RBFOX3: variants seen among roughly 807,000 people sequenced by gnomAD.
The protein encoded by RBFOX3 is RNA binding fox-1 homolog 3.
In RBFOX3, 17 loss-of-function variants were observed where a neutral mutation model predicts 48.7. That is an observed-to-expected ratio of 0.35 (90% CI 0.24 to 0.52). RBFOX3 has a LOEUF of 0.52. Among genes scored for constraint, RBFOX3 ranks in the 20% least tolerant of loss-of-function variants. The pLI is 0.94. For missense variants in RBFOX3, 382 were observed against 497.5 expected (o/e 0.77, Z 2.21); for synonymous variants, 212 against 209.5 (o/e 1.01, Z -0.10).
chr17:79,621,848 C>G, the RBFOX3 span, among the ~76,000 whole-genome samples: 5 of 149,356 alleles, frequency 3.3e-5, no homozygotes, highest in South Asian at 2.1e-4. Context: ...GGTGGCTGCT[C>G]TCACCCGTGT....
intron 3 of RBFOX3, among the ~76,000 whole-genome samples, chr17:79,295,048 A>T (rs2074103487): frequency 6.6e-6 from 1 of 152,076 alleles, no homozygotes; most frequent in Non-Finnish European, 1.5e-5. Flanking sequence ...TGTCGCTTGA[A>T]GTCTAGCTTG....
chr17:79,263,993 C>T (rs1192955674), intron 3 of RBFOX3, among the ~76,000 whole-genome samples: 1 of 151,718 alleles, frequency 6.6e-6, no homozygotes, highest in African/African-American at 2.4e-5. Context: ...GAACCAGAGG[C>T]AGAGATTGGA....
chr17:79,264,962 AGGAG>A (rs1162813515), intron 3 of RBFOX3, among the ~76,000 whole-genome samples: 7 of 134,742 alleles, frequency 5.2e-5, no homozygotes, highest in African/African-American at 2.0e-4. Context: ...TCAGTGCGAG[AGGAG>A]GGGGGGGGGG....
rs143617074 is a variant in RBFOX3, at chr17:79,312,377, A to G, written c.-174-4553T>C. ...GGCCTGACCCACCTTTCTAGGGTGC[A>G]GCAGAGATGAGGAAGGGGCTGTGGT... is the stretch of plus-strand genomic sequence containing the variant. On this transcript the variant is annotated intron_variant, in intron 2 of 14. Coordinates refer to ENST00000693108, the MANE Select transcript of RBFOX3 (RefSeq NM_001350451.2). Among the ~76,000 whole-genome samples, 74 of 151,744 alleles carry G rather than the reference A, an allele frequency of 4.9e-4. 1 individual carries two copies. The highest frequency in any genetic ancestry group is 9.4e-4 in the Non-Finnish European group (64 of 67,990).
chr17:79,396,950 A>T (rs1056889646), intron 2 of RBFOX3, among the ~76,000 whole-genome samples: 1 of 152,220 alleles, frequency 6.6e-6, no homozygotes, highest in Non-Finnish European at 1.5e-5. Context: ...AGGAGAACGA[A>T]CCCCTGTCAC....
the RBFOX3 span, among the ~76,000 whole-genome samples, chr17:79,620,248 C>T: frequency 2.7e-5 from 4 of 148,214 alleles, no homozygotes; most frequent in Admixed American, 2.7e-4. Context: ...TGCACACATA[C>T]GCACATGCAC....
At chr17:79,400,691 C>A (rs941790410) in intron 2 of RBFOX3, among the ~76,000 whole-genome samples, 17 of 152,210 alleles carry the variant, frequency 1.1e-4, no homozygotes, top group African/African-American at 4.1e-4. Context: ...CGGCTGTAAG[C>A]GGGGTGTCCC....
chr17:79,403,488 G>C (rs1028440740), intron 2 of RBFOX3, among the ~76,000 whole-genome samples: 1 of 152,200 alleles, frequency 6.6e-6, no homozygotes, highest in Non-Finnish European at 1.5e-5. Flanking sequence ...GGAATAATCC[G>C]TGAACACAGC....
At chr17:79,265,274 C>A (rs771782318) in intron 3 of RBFOX3, among the ~76,000 whole-genome samples, 1 of 152,230 alleles carries the variant, frequency 6.6e-6, no homozygotes, top group African/African-American at 2.4e-5. Context: ...CGTGTCCTCC[C>A]CGAAGCCGGC....
At chr17:79,641,646 T>G in the RBFOX3 span, among the ~76,000 whole-genome samples, 1 of 152,210 alleles carries the variant, frequency 6.6e-6, no homozygotes, top group African/African-American at 2.4e-5. Flanking sequence ...TCCTGCCATT[T>G]GCAACAACAC....
intron 4 of RBFOX3, among the ~76,000 whole-genome samples, chr17:79,159,350 C>G (rs2046472130): frequency 1.3e-5 from 2 of 152,132 alleles, no homozygotes; most frequent in African/African-American, 4.8e-5. Flanking sequence ...ATGGAGATGG[C>G]TCAGGGGCAT....
chr17:79,498,456 T>G (rs1417294505), intron 1 of RBFOX3, among the ~76,000 whole-genome samples: 1 of 75,150 alleles, frequency 1.3e-5, no homozygotes, highest in African/African-American at 5.3e-5. Context: ...CACCCATCCA[T>G]CTACCCATTC....
At chr17:79,588,171 G>A (rs1002748842) in intron 1 of RBFOX3, among the ~76,000 whole-genome samples, 3 of 152,190 alleles carry the variant, frequency 2.0e-5, no homozygotes. Flanking sequence ...GTTTCCAGGT[G>A]GGATGCAGTT....
chr17:79,570,259 G>A (rs1012352740), intron 1 of RBFOX3, among the ~76,000 whole-genome samples: 1,748 of 151,904 alleles, frequency 0.012, 25 homozygotes, highest in African/African-American at 0.04. Flanking sequence ...GATGAATTAC[G>A]GACAGATGGT....
chr17:79,650,250 T>A, the RBFOX3 span, among the ~76,000 whole-genome samples: 1 of 152,004 alleles, frequency 6.6e-6, no homozygotes, highest in South Asian at 2.1e-4. Context: ...CCAAAACAGA[T>A]AAGAAGCAGA....
intron 1 of RBFOX3, among the ~76,000 whole-genome samples, chr17:79,580,620 C>T (rs941715217): frequency 2.0e-5 from 3 of 152,098 alleles, no homozygotes; most frequent in African/African-American, 4.8e-5. Flanking sequence ...GCTGCCAAGT[C>T]GCAGACACTC....
intron 1 of RBFOX3, among the ~76,000 whole-genome samples, chr17:79,606,170 C>A (rs891849952): frequency 9.9e-5 from 15 of 152,158 alleles, no homozygotes; most frequent in African/African-American, 3.4e-4. Flanking sequence ...ACCAGAAGGA[C>A]GCCTGGGCCT....
intron 2 of RBFOX3, among the ~76,000 whole-genome samples, chr17:79,333,501 G>A: frequency 6.6e-6 from 1 of 152,298 alleles, no homozygotes; most frequent in East Asian, 1.9e-4. Context: ...AGAGGAGACA[G>A]AAATCATTGC....
intron 1 of RBFOX3, among the ~76,000 whole-genome samples, chr17:79,545,037 CCTT>C (rs1334324716): frequency 9.3e-5 from 14 of 149,980 alleles, no homozygotes; most frequent in East Asian, 2.0e-4. Flanking sequence ...AAAACTCTTT[CCTT>C]CTTGTTCTAG....
Sources: gnomAD v4.1 joint callset for allele counts (sites outside exome capture counted in the v4.1 genomes callset) on GRCh38, gnomAD v4.1.1 for gene constraint, MANE v1.5 for transcripts, NCBI Gene and HGNC (gene_info 2026-07-23, HGNC 2026-07-21) for gene names.